CNTNAP2: variants seen among roughly 807,000 people sequenced by gnomAD.
The protein encoded by CNTNAP2 is contactin associated protein 2, also known as contactin-associated protein-like 2.
CNTNAP2 carries 98 observed loss-of-function variants against 155.2 expected under a neutral mutation model. That is an observed-to-expected ratio of 0.63 (90% confidence interval 0.54 to 0.75). The LOEUF is 0.75. CNTNAP2 is among the 30% of genes least tolerant of loss of function. The probability of loss-of-function intolerance (pLI) is 0.00; values close to 1 mark genes in which losing one functional copy is unlikely to be tolerated. For synonymous variants in CNTNAP2, 651 were observed against 631.2 expected (o/e 1.03, Z -0.47); for missense variants, 1,727 against 1,688.1 (o/e 1.02, Z -0.40).
At chr7:147,548,051 A>T (rs1027279729) in intron 11 of CNTNAP2, among the ~76,000 whole-genome samples, 2 of 152,180 alleles carry the variant, frequency 1.3e-5, no homozygotes, top group Non-Finnish European at 2.9e-5. Context: ...TATTGTAAAT[A>T]GTGCTGCAGT....
chr7:146,339,369 TG>T (rs1801334704), intron 1 of CNTNAP2, among the ~76,000 whole-genome samples: 1 of 152,244 alleles, frequency 6.6e-6, no homozygotes, highest in African/African-American at 2.4e-5. Flanking sequence ...TCAAATTTGA[TG>T]AAACCAAAAG....
intron 8 of CNTNAP2, among the ~76,000 whole-genome samples, chr7:147,174,042 T>C (rs1802285229): frequency 1.3e-5 from 2 of 152,020 alleles, no homozygotes; most frequent in Admixed American, 1.3e-4. Context: ...TCTATATTCC[T>C]CCCTCTGAAT....
intron 19 of CNTNAP2, among the ~76,000 whole-genome samples, chr7:148,228,261 GAT>G: frequency 6.6e-6 from 1 of 152,134 alleles, no homozygotes; most frequent in Non-Finnish European, 1.5e-5. Flanking sequence ...TCATAACTAA[GAT>G]ATAATATTTA....
intron 14 of CNTNAP2, among the ~76,000 whole-genome samples, chr7:147,918,950 G>A (rs1336900618): frequency 6.6e-6 from 1 of 152,172 alleles, no homozygotes; most frequent in Non-Finnish European, 1.5e-5. Context: ...TACAGACTTT[G>A]AGATGGAGAG....
At chr7:148,092,291 C>A (rs1803859809) in intron 15 of CNTNAP2, among the ~76,000 whole-genome samples, 1 of 152,110 alleles carries the variant, frequency 6.6e-6, no homozygotes, top group Admixed American at 6.5e-5. Context: ...TCTATCTAGT[C>A]TGGGGAATCA....
intron 11 of CNTNAP2, among the ~76,000 whole-genome samples, chr7:147,488,376 C>A (rs1213080221): frequency 6.6e-6 from 1 of 152,192 alleles, no homozygotes; most frequent in Non-Finnish European, 1.5e-5. Flanking sequence ...CTTTGTTCGA[C>A]TGAAGTCTCT....
chr7:146,133,131 T>C (rs1445152121), intron 1 of CNTNAP2, among the ~76,000 whole-genome samples: 6 of 151,540 alleles, frequency 4.0e-5, no homozygotes, highest in Non-Finnish European at 8.8e-5. Context: ...GGTATCTCGT[T>C]GTGGTTTTGA....
chr7:148,080,829 G>A lies in CNTNAP2; in HGVS notation c.2384-37289G>A, dbSNP rs575731285. On this transcript the variant is annotated intron_variant, in intron 15 of 23. Coordinates refer to ENST00000361727, the MANE Select transcript of CNTNAP2 (RefSeq NM_014141.6). ...CAAATCTCAAATGTCAACATACGTGGGGATCTTGTTTGCAGATGAGGAAGT... is the reference window on the plus strand; with the variant it reads ...CAAATCTCAAATGTCAACATACGTGAGGATCTTGTTTGCAGATGAGGAAGT... Among the ~76,000 whole-genome samples the A allele has an allele frequency of 1.1e-4, 17 of 152,230 alleles. No homozygotes were observed. The South Asian group carries it at 3.5e-3, about 32-fold the overall frequency.
At chr7:147,402,768 AT>A (rs1423763918) in intron 10 of CNTNAP2, among the ~76,000 whole-genome samples, 1 of 152,124 alleles carries the variant, frequency 6.6e-6, no homozygotes, top group African/African-American at 2.4e-5. Context: ...TTACTTCAGC[AT>A]GCCATCCCTC....
At chr7:148,024,330 A>C (rs1802339955) in intron 15 of CNTNAP2, among the ~76,000 whole-genome samples, 1 of 152,054 alleles carries the variant, frequency 6.6e-6, no homozygotes, top group Admixed American at 6.5e-5. Flanking sequence ...ATGTTTGTTC[A>C]TCCATTGTTC....
At chr7:148,118,017 A>AT in intron 15 of CNTNAP2, 101 bp from the exon 16 acceptor site, 1 of 1,242,938 alleles carries the variant, frequency 8.0e-7, no homozygotes, top group Non-Finnish European at 1.2e-6. Context: ...AATAATGACT[A>AT]TTGCTAATGG....
chr7:147,467,551 G>A (rs771444474), intron 10 of CNTNAP2, among the ~76,000 whole-genome samples: 1 of 152,180 alleles, frequency 6.6e-6, no homozygotes, highest in Non-Finnish European at 1.5e-5. Context: ...CGGGGAGGAA[G>A]TATTGAAAGG....
chr7:146,420,943 T>C (rs531118718), intron 1 of CNTNAP2, among the ~76,000 whole-genome samples: 1 of 152,186 alleles, frequency 6.6e-6, no homozygotes, highest in East Asian at 1.9e-4. Flanking sequence ...CAGAATGCCC[T>C]GATAGTCACA....
intron 9 of CNTNAP2, among the ~76,000 whole-genome samples, chr7:147,385,054 A>G (rs1174847813): frequency 1.3e-5 from 2 of 152,160 alleles, no homozygotes. Context: ...GGTGGCAGGA[A>G]AAGAGAGAGA....
chr7:146,558,593 T>C (rs1333913633), intron 1 of CNTNAP2, among the ~76,000 whole-genome samples: 1 of 150,652 alleles, frequency 6.6e-6, no homozygotes, highest in Non-Finnish European at 1.5e-5. Flanking sequence ...ATTATTATGA[T>C]TTTTTTGGGG....
At chr7:147,510,318 G>T (rs940133499) in intron 11 of CNTNAP2, among the ~76,000 whole-genome samples, 1 of 152,104 alleles carries the variant, frequency 6.6e-6, no homozygotes, top group Non-Finnish European at 1.5e-5. Flanking sequence ...TCCTTGCCAT[G>T]TAAGCCACCA....
At chr7:146,989,538 A>G (rs183637146) in intron 3 of CNTNAP2, among the ~76,000 whole-genome samples, 3 of 134,580 alleles carry the variant, frequency 2.2e-5, no homozygotes, top group African/African-American at 8.8e-5. Flanking sequence ...ACAAACAAAC[A>G]AACAAACCCA....
intron 1 of CNTNAP2, among the ~76,000 whole-genome samples, chr7:146,643,553 G>A (rs1216807445): frequency 6.6e-6 from 1 of 151,904 alleles, no homozygotes; most frequent in Non-Finnish European, 1.5e-5. Flanking sequence ...TGCTGTTTTG[G>A]TTACTGTAGC....
intron 4 of CNTNAP2, among the ~76,000 whole-genome samples, chr7:147,046,458 C>G (rs1417127121): frequency 6.6e-6 from 1 of 151,864 alleles, no homozygotes; most frequent in Non-Finnish European, 1.5e-5. Flanking sequence ...GTTTCTTTTC[C>G]TCAGTATTAT....
Sources: allele counts gnomAD v4.1 joint callset (sites outside exome capture counted in the v4.1 genomes callset), GRCh38; gene constraint gnomAD v4.1.1; transcripts MANE v1.5; gene names NCBI Gene and HGNC (gene_info 2026-07-23, HGNC 2026-07-21).